CENPK: variants seen among roughly 807,000 people sequenced by gnomAD.
The protein encoded by CENPK is centromere protein K.
A neutral mutation model predicts 40.9 loss-of-function variants in CENPK; 46 were observed. The observed-to-expected ratio is 1.13, with a 90% CI of 0.89 to 1.44. CENPK has a LOEUF of 1.44. CENPK is among the 40% of genes most tolerant of loss of function. CENPK has a pLI of 0.00. For synonymous variants in CENPK, 107 were observed against 104.4 expected (o/e 1.02, Z -0.15); for missense variants, 288 against 303.5 (o/e 0.95, Z 0.38).
At chr5:65,531,883 T>C (rs1439404721) in intron 6 of CENPK, among the ~76,000 whole-genome samples, 1 of 151,636 alleles carries the variant, frequency 6.6e-6, no homozygotes, top group Non-Finnish European at 1.5e-5. Flanking sequence ...AAAGAGCAAA[T>C]AAAACCCACA....
intron 6 of CENPK, among the ~76,000 whole-genome samples, chr5:65,533,505 T>A (rs1225838924): frequency 2.0e-5 from 3 of 152,006 alleles, no homozygotes; most frequent in African/African-American, 7.2e-5. Flanking sequence ...TCCGATAACA[T>A]CAGGAACAAG....
At chr5:65,498,369 T>C in the CENPK span, among the ~76,000 whole-genome samples, 1 of 152,070 alleles carries the variant, frequency 6.6e-6, no homozygotes, top group Admixed American at 6.5e-5. Context: ...ATAACACTTA[T>C]GTAACTTACC....
At chr5:65,542,700 GT>G in intron 6 of CENPK, 101 bp downstream of exon 6, 1 of 814,010 alleles carries the variant, frequency 1.2e-6, no homozygotes, top group Non-Finnish European at 1.9e-6. Flanking sequence ...ATTTAATATG[GT>G]TTTAGAGTGG....
chr5:65,530,915 C>T lies in CENPK; in HGVS notation c.289-1716G>A, dbSNP rs188884636. Among the ~76,000 whole-genome samples, 242 of 151,958 alleles carry T rather than the reference C, an allele frequency of 1.6e-3. 1 individual carries two copies. Among genetic ancestry groups the T allele is most frequent in the Non-Finnish European group, 2.8e-3 (191 of 67,926 alleles). On this transcript the variant is annotated intron_variant, in intron 6 of 10. Coordinates refer to ENST00000396679, the MANE Select transcript of CENPK (RefSeq NM_022145.5). ...ACAAGGCAAGACCCTGCCTCAACAA[C>T]AACAAAGACAACAACAACAACACAC... is the stretch of plus-strand genomic sequence containing the variant.
rs185445391 is a variant in CENPK at position 65,551,591 on chromosome 5, T to C, written c.214A>G (p.Ser72Gly). Residue 72 changes from serine to glycine, a missense_variant, in exon 5 of 11, where the codon AGT becomes GGT. Physicochemically the swap from Ser to Gly is moderately conservative, Grantham distance 56. Transcript: ENST00000396679. ...MQVKCLTAELSQWQKKTPETI... is the reference protein window; with the variant it reads ...MQVKCLTAELGQWQKKTPETI... ...TCAGGTGTTTTTTTCTGCCATTGAC[T>C]GAGTTCAGCGGTTAAACATTTTACT... The C allele has an allele frequency of 4.4e-5, 70 of 1,575,932 alleles. No homozygotes were observed. The East Asian group carries it at 1.5e-3, about 33-fold the overall frequency.
intron 6 of CENPK, 103 bp from the exon 7 acceptor site, chr5:65,529,302 C>T: frequency 2.8e-6 from 2 of 719,456 alleles, no homozygotes; most frequent in Non-Finnish European, 4.6e-6. Context: ...TCCATTCAGA[C>T]ATCAGTAGTG....
chr5:65,503,946 G>C, the CENPK span, among the ~76,000 whole-genome samples: 1 of 147,260 alleles, frequency 6.8e-6, no homozygotes, highest in Non-Finnish European at 1.5e-5. Context: ...GTGAGTCACC[G>C]TGCCCGGCCT....
intron 5 of CENPK, among the ~76,000 whole-genome samples, chr5:65,546,251 C>A (rs1748949997): frequency 6.6e-6 from 1 of 152,134 alleles, no homozygotes; most frequent in Non-Finnish European, 1.5e-5. Context: ...GGTGATCCAC[C>A]AGCCCTGGCC....
intron 6 of CENPK, among the ~76,000 whole-genome samples, chr5:65,540,457 G>A (rs1164648455): frequency 3.3e-5 from 5 of 152,098 alleles, no homozygotes; most frequent in Non-Finnish European, 5.9e-5. Context: ...ATATGCATGA[G>A]TTGACTGATG....
At chr5:65,531,572 C>T (rs1051777134) in intron 6 of CENPK, among the ~76,000 whole-genome samples, 3 of 151,192 alleles carry the variant, frequency 2.0e-5, no homozygotes, top group Admixed American at 6.6e-5. Context: ...GGCACTATCT[C>T]GGCTCACTGC....
At chr5:65,529,351 C>A in intron 6 of CENPK, 152 bp from the exon 7 acceptor site, 1 of 552,300 alleles carries the variant, frequency 1.8e-6, no homozygotes. Context: ...GGTAAATATA[C>A]AGTAGGCGCT....
At chr5:65,515,204 A>ATTTTTTTTTTTTTTTTT (rs1554102335), downstream of CENPK, among the ~76,000 whole-genome samples, 2 of 124,066 alleles carry the variant, frequency 1.6e-5, no homozygotes, top group African/African-American at 3.1e-5. Context: ...TCTCAAAAAA[A>ATTTTTTTTTTTTTTTTT]TTTTTTTTTT....
intron 6 of CENPK, among the ~76,000 whole-genome samples, chr5:65,538,008 G>GTA (rs1180919036): frequency 1.3e-5 from 2 of 152,076 alleles, no homozygotes; most frequent in African/African-American, 2.4e-5. Flanking sequence ...TTCTAAAATA[G>GTA]TATACCATTT....
downstream of CENPK, among the ~76,000 whole-genome samples, chr5:65,514,372 C>A (rs547826222): frequency 2.0e-5 from 3 of 150,550 alleles, no homozygotes; most frequent in East Asian, 3.9e-4. Context: ...TCAAGTGATT[C>A]TTTTGCCTCA....
intron 6 of CENPK, among the ~76,000 whole-genome samples, chr5:65,540,126 T>C (rs1747700466): frequency 6.6e-6 from 1 of 152,240 alleles, no homozygotes; most frequent in Non-Finnish European, 1.5e-5. Context: ...TCTCATTCTT[T>C]ACAGTAGGGA....
chr5:65,532,910 C>CAAAA (rs60713724), intron 6 of CENPK, among the ~76,000 whole-genome samples: 7,840 of 36,940 alleles, frequency 0.21, 2,424 homozygotes, highest in East Asian at 0.34. Context: ...ACTCCATCTC[C>CAAAA]AAAAAAAAAA....
intron 6 of CENPK, chr5:65,541,277 C>A (rs1747927933): frequency 4.6e-6 from 2 of 430,498 alleles, no homozygotes; most frequent in South Asian, 1.6e-5. Flanking sequence ...AGGCGACAAT[C>A]CATTACTGGC....
chr5:65,524,211 T>A (rs574735030), intron 9 of CENPK, among the ~76,000 whole-genome samples: 3 of 114,488 alleles, frequency 2.6e-5, no homozygotes, highest in Non-Finnish European at 3.6e-5. Context: ...CCGTCTCTAC[T>A]AAAAGCATAC....
chr5:65,542,810 T>C lies in CENPK; in HGVS notation c.280A>G (p.Lys94Glu). ...LTEDVLITLGKEEFQKLRQDL... is the reference protein window; with the variant it reads ...LTEDVLITLGEEEFQKLRQDL... The stretch of plus-strand genomic sequence containing the variant: ...TTCATTGAGTGGCTTACCTCTTCTT[T>C]TCCTAATGTTATGAGAACGTCTTCA... The change falls in exon 6 of 11, where the codon AAA (lysine) becomes GAA (glutamate). Residue 94 changes from lysine to glutamate, a missense_variant. Transcript: ENST00000396679. 1.2e-6 allele frequency: 2 copies of C among 1,609,092 alleles called. No individual in the cohort carries two copies. The highest frequency in any genetic ancestry group is 1.7e-6 in the Non-Finnish European group (2 of 1,177,948).
Sources: gnomAD v4.1 joint callset for allele counts (sites outside exome capture counted in the v4.1 genomes callset) on GRCh38, gnomAD v4.1.1 for gene constraint, MANE v1.5 for transcripts, NCBI Gene and HGNC (gene_info 2026-07-23, HGNC 2026-07-21) for gene names.